MBD4: variants seen among roughly 807,000 people sequenced by gnomAD.
MBD4 encodes the protein methyl-CpG binding domain 4, DNA glycosylase.
MBD4 carries 53 observed loss-of-function variants against 60.2 expected under a neutral mutation model. That is an observed-to-expected ratio of 0.88 (90% CI 0.71 to 1.11). The LOEUF is 1.11. MBD4 is among the 50% of genes least tolerant of loss of function. The pLI is 0.00. For synonymous variants in MBD4, 231 were observed against 229.8 expected, an observed-to-expected ratio of 1.01 and a Z score of -0.05; for missense variants, 619 against 674.0, an observed-to-expected ratio of 0.92 and a Z score of 0.90.
At chr3:129,432,405 A>G (rs1456855238) in intron 7 of MBD4, 98 bp downstream of exon 7, 1 of 1,606,668 alleles carries the variant, frequency 6.2e-7, no homozygotes, top group African/African-American at 1.3e-5. Context: ...TGTGACTGTA[A>G]TAGCATTTGT....
intron 2 of MBD4, among the ~76,000 whole-genome samples, 161 bp downstream of exon 2, chr3:129,437,559 T>C (rs548651288): frequency 1.3e-5 from 2 of 152,316 alleles, no homozygotes; most frequent in African/African-American, 2.4e-5. Context: ...TATGTAATTT[T>C]CCCCAAATCA....
intron 6 of MBD4, 63 bp from the exon 7 acceptor site, chr3:129,432,669 G>T: frequency 6.8e-7 from 1 of 1,469,330 alleles, no homozygotes; most frequent in Non-Finnish European, 9.5e-7. Context: ...CAAAATGTGT[G>T]GTGATGGGGC....
Position 129,439,801 on chromosome 3 carries a change from C to A in MBD4, c.33G>T (p.Leu11=). The A allele has an allele frequency of 6.2e-7, 1 of 1,611,048 alleles. No homozygotes were observed. The highest frequency in any genetic ancestry group is 1.7e-5 in the Admixed American group (1 of 59,710). The change falls in exon 1 of 8, where the codon CTG becomes CTT. Residue 11 remains leucine (L), a synonymous_variant. Transcript: ENST00000429544. ...CGGTGGGGGCAGCTCCGCGGTCCCC[C>A]AGACTCAGACTCTCCAGCCCAGTCG... MGTTGLESLS[L]GDRGAAPTVT... is the part of the protein sequence containing the mutation.
At position 129,439,805 on chromosome 3, in the gene MBD4, C is replaced by T; in HGVS notation, c.29G>A (p.Ser10Asn). MGTTGLESL[S>N]LGDRGAAPTV... ...GGGGGCAGCTCCGCGGTCCCCCAGA[C>T]TCAGACTCTCCAGCCCAGTCGTGCC... is the stretch of plus-strand genomic sequence containing the variant. The change falls in exon 1 of 8, where the codon AGT becomes AAT. Residue 10 changes from serine (S) to asparagine (N), a missense_variant. By Grantham distance (46) the Ser-to-Asn change is conservative (BLOSUM62 1). Coordinates refer to ENST00000429544, the MANE Select transcript of MBD4 (RefSeq NM_001276270.2). 6.2e-7 allele frequency: 1 copy of T among 1,611,300 alleles called. No homozygotes were observed. Among genetic ancestry groups the T allele is most frequent in the East Asian group, 2.2e-5 (1 of 44,782 alleles).
chr3:129,437,711 T>C lies in MBD4; in HGVS notation c.335+9A>G, dbSNP rs1320619817. The C allele has an allele frequency of 6.3e-7, 1 of 1,592,382 alleles. No homozygotes were observed. The highest frequency in any genetic ancestry group is 1.3e-5 in the African/African-American group (1 of 74,486). ...TGGCTGTACTATCTTTACCATCTTA[T>C]ATGCTTACCTGATAAAGTACACATC... On this transcript the variant is annotated intron_variant, in intron 2 of 7. Coordinates refer to ENST00000429544, the MANE Select transcript of MBD4 (RefSeq NM_001276270.2).
rs759661805 is a variant in MBD4, at chr3:129,436,525, A to G, written c.1119T>C (p.Thr373=). The G allele has an allele frequency of 1.9e-6, 3 of 1,614,124 alleles. No homozygotes were observed. The South Asian group carries it at 3.3e-5, about 18-fold the overall frequency. The change falls in exon 3 of 8, where the codon ACT becomes ACC. Residue 373 remains threonine (T), a synonymous_variant. Transcript: ENST00000429544. Reference sequence around the variant, plus strand: ...TTTCAGAGCCACGTTTTAAAATGTCAGTATGCAAATGTTCTTTCCTTTCCA... The same window carrying G: ...TTTCAGAGCCACGTTTTAAAATGTCGGTATGCAAATGTTCTTTCCTTTCCA... ...EVVERKEHLH[T]DILKRGSEMD...
In MBD4 at chr3:129,437,089, T is replaced by C. The variant is rs755554954; in HGVS notation, c.555A>G (p.Lys185=). The C allele has an allele frequency of 6.2e-7, 1 of 1,614,016 alleles. No homozygotes were observed. Among genetic ancestry groups the C allele is most frequent in the East Asian group, 2.2e-5 (1 of 44,888 alleles). ...NWNLRTRSKC[K]KDVFMPPSSS... is the part of the protein sequence containing the mutation. ...TACTTGGCGGCATAAACACATCCTT[T>C]TTGCACTTGCTTCGGGTCCTGAGGT... Residue 185 remains lysine, a synonymous_variant, in exon 3 of 8, where the codon AAA becomes AAG. Transcript: ENST00000429544.
Position 129,433,099 on chromosome 3 carries a change from T to C in MBD4, c.1542A>G (p.Ser514=). 6.2e-7 allele frequency: 1 copy of C among 1,614,196 alleles called. No individual in the cohort carries two copies. The change falls in exon 6 of 8, where the codon TCA becomes TCG. Residue 514 remains serine, a splice_region_variant and synonymous_variant. Coordinates refer to ENST00000429544, the MANE Select transcript of MBD4 (RefSeq NM_001276270.2). ...TCCTTTGGGTGTATAGGAAAATACCTGAGAACTTGACAATGGTTTTTGCCC... is the reference window on the plus strand; with the variant it reads ...TCCTTTGGGTGTATAGGAAAATACCCGAGAACTTGACAATGGTTTTTGCCC... ...DLRAKTIVKF[S]DEYLTKQWKY...
intron 2 of MBD4, 106 bp from the exon 3 acceptor site, chr3:129,437,414 G>A: frequency 1.1e-6 from 1 of 898,496 alleles, no homozygotes; most frequent in Non-Finnish European, 1.7e-6. Context: ...TGTTGCCATA[G>A]GTATCTGTCA....
At position 129,432,622 on chromosome 3, in the gene MBD4, T is replaced by C. The variant is rs1191046586; in HGVS notation, c.1544-16A>G. 1.2e-6 allele frequency: 2 copies of C among 1,612,414 alleles called. No individual in the cohort carries two copies. The highest frequency in any genetic ancestry group is 1.7e-5 in the Admixed American group (1 of 60,006). ...AGGTATTCATCTGAAGAATACAACATCCCACATTATCAGGTCAGCTTCTAA... is the reference window on the plus strand; with the variant it reads ...AGGTATTCATCTGAAGAATACAACACCCCACATTATCAGGTCAGCTTCTAA... On this transcript the variant is annotated splice_polypyrimidine_tract_variant and intron_variant, in intron 6 of 7. Transcript: ENST00000429544.
In MBD4 at chr3:129,439,867, G is replaced by A. The variant is rs372842084; in HGVS notation, c.-34C>T. 1.9e-5 allele frequency: 27 copies of A among 1,408,836 alleles called. No homozygotes were observed. The highest frequency in any genetic ancestry group is 2.3e-5 in the Non-Finnish European group (23 of 996,150). The allele number at this position is 1,408,836 out of a possible 1,614,324, so 87.3% of individuals were successfully genotyped here. ...GTCCGGCTGCAGCAACGAGCCCAGC[G>A]CCGCAACGCCCAGGGTGTGGGGCGG... On this transcript the variant is annotated 5_prime_UTR_variant, in exon 1 of 8. Transcript: ENST00000429544.
Position 129,431,469 on chromosome 3 carries a change from T to C in MBD4, c.*32A>G. The C allele has an allele frequency of 1.3e-6, 2 of 1,558,988 alleles. No homozygotes were observed. The highest frequency in any genetic ancestry group is 2.2e-5 in the East Asian group (1 of 44,594). On this transcript the variant is annotated 3_prime_UTR_variant, in exon 8 of 8. Transcript: ENST00000429544. Reference sequence around the variant, plus strand: ...TAAGCTTTTTTGAAGTGCAAAGCTATGCATAACAGATGAGCTTGAAAGCTG... The same window carrying C: ...TAAGCTTTTTTGAAGTGCAAAGCTACGCATAACAGATGAGCTTGAAAGCTG...
Position 129,439,789 on chromosome 3 carries a change from T to C in MBD4, c.45A>G (p.Gly15=), listed in dbSNP as rs1577077136. ...CACTAGAGGTGACGGTGGGGGCAGCTCCGCGGTCCCCCAGACTCAGACTCT... is the reference window on the plus strand; with the variant it reads ...CACTAGAGGTGACGGTGGGGGCAGCCCCGCGGTCCCCCAGACTCAGACTCT... ...GLESLSLGDR[G]AAPTVTSSER... Residue 15 remains glycine (G), a synonymous_variant, in exon 1 of 8, where the codon GGA becomes GGG. Transcript: ENST00000429544. 1 of 1,609,714 alleles carries C rather than the reference T, an allele frequency of 6.2e-7. No homozygotes were observed. Among genetic ancestry groups the C allele is most frequent in the Non-Finnish European group, 8.5e-7 (1 of 1,178,646 alleles).
Position 129,439,741 on chromosome 3 carries a change from C to T in MBD4, c.93G>A (p.Pro31=), listed in dbSNP as rs1305921785. 6.3e-7 allele frequency: 1 copy of T among 1,589,352 alleles called. No individual in the cohort carries two copies. The highest frequency in any genetic ancestry group is 8.6e-7 in the Non-Finnish European group (1 of 1,167,878). ...GGACAGTAACTTACCGGAGGTCATTCGGCGGGTCTGGGACTAGGCGCTCAC... is the reference window on the plus strand; with the variant it reads ...GGACAGTAACTTACCGGAGGTCATTTGGCGGGTCTGGGACTAGGCGCTCAC... ...TSSERLVPDP[P]NDLRKEDVAM... The change falls in exon 1 of 8, where the codon CCG becomes CCA. Residue 31 remains proline (P), a synonymous_variant. Transcript: ENST00000429544.
Position 129,436,979 on chromosome 3 carries a change from T to A in MBD4, c.665A>T (p.Asp222Val), listed in dbSNP as rs780747376. 1.9e-6 allele frequency: 3 copies of A among 1,614,212 alleles called. No individual in the cohort carries two copies. In the South Asian group the frequency reaches 3.3e-5, roughly 18 times the overall value. Residue 222 changes from aspartate (D) to valine (V), a missense_variant, in exon 3 of 8, where the codon GAT (aspartate) becomes GTT (valine). Transcript: ENST00000429544. ...CTTTCTAACCTTTCTGAAGTTAACA[T>A]CATCAACACCCTCATCTTCTTTCAA... ...LLLKEDEGVD[D>V]VNFRKVRKPK...
Position 129,434,218 on chromosome 3 carries a change from A to G in MBD4, c.1184-82T>C, listed in dbSNP as rs2307288. ...GAGGGATGCAAATAATAATATCAAC[A>G]CTATTACAAAGCATGCCAGGCACTA... is the stretch of plus-strand genomic sequence containing the variant. On this transcript the variant is annotated intron_variant, in intron 3 of 7. Transcript: ENST00000429544. 508 of 1,074,198 alleles carry G rather than the reference A, an allele frequency of 4.7e-4. No homozygotes were observed. The African/African-American group carries it at 7.1e-3, about 15-fold the overall frequency. 66.5% of individuals were successfully genotyped at this position (1,074,198 alleles called of 1,614,324 possible).
rs188172372 is a variant in MBD4 at position 129,436,467 on chromosome 3, A to C, written c.1177T>G (p.Phe393Val). Residue 393 changes from phenylalanine (F) to valine (V), a missense_variant, in exon 3 of 8, where the codon TTC becomes GTC. By Grantham distance (50) the Phe-to-Val change is conservative (BLOSUM62 -1). Transcript: ENST00000429544. ...CCTTGAAATATTTTCTCACCAGTGA[A>C]GTCTTTCCTGGTTGGTGAGCAGTTG... ...DNNCSPTRKD[F>V]TEDTIPRTQI... The C allele has an allele frequency of 6.2e-7, 1 of 1,613,932 alleles. No homozygotes were observed. The highest frequency in any genetic ancestry group is 8.5e-7 in the Non-Finnish European group (1 of 1,180,014).
rs770675625 is a variant in MBD4, at chr3:129,437,843, G to A, written c.212C>T (p.Ser71Phe). The change falls in exon 2 of 8, where the codon TCT becomes TTT. Residue 71 changes from serine (S) to phenylalanine (F), a missense_variant. By Grantham distance (155) the Ser-to-Phe change is radical. Coordinates refer to ENST00000429544, the MANE Select transcript of MBD4 (RefSeq NM_001276270.2). Reference protein sequence around the residue: ...CNPLLQEPIASAQFGATAGTE... With the variant: ...CNPLLQEPIAFAQFGATAGTE... ...TCCTGCAGTAGCACCAAACTGAGCA[G>A]AAGCGATGGGTTCTTGTAGCAAGGG... The A allele has an allele frequency of 6.2e-7, 1 of 1,614,048 alleles. No homozygotes were observed. The highest frequency in any genetic ancestry group is 8.5e-7 in the Non-Finnish European group (1 of 1,179,874).
intron 3 of MBD4, 121 bp from the exon 4 acceptor site, chr3:129,434,257 A>G (rs149208068): frequency 1.3e-6 from 1 of 786,908 alleles, no homozygotes; most frequent in African/African-American, 1.7e-5. Flanking sequence ...TAAGCCCTTT[A>G]CATAAATACC....
Sources: gnomAD v4.1 joint callset for allele counts (sites outside exome capture counted in the v4.1 genomes callset) on GRCh38, gnomAD v4.1.1 for gene constraint, MANE v1.5 for transcripts, NCBI Gene and HGNC (gene_info 2026-07-23, HGNC 2026-07-21) for gene names.